ERG: variants seen among roughly 807,000 people sequenced by gnomAD.
The protein encoded by ERG is ETS transcription factor ERG, also known as transcriptional regulator ERG.
A neutral mutation model predicts 55.3 loss-of-function variants in ERG; 9 were observed. That is an observed-to-expected ratio of 0.16 (90% CI 0.10 to 0.28). The LOEUF (loss-of-function observed/expected upper bound fraction) is 0.28. Ranked by LOEUF, ERG falls within the 10% of genes least tolerant of loss-of-function variation. The pLI, the probability that ERG is intolerant of heterozygous loss-of-function variation, is 1.00. For synonymous variants in ERG, 223 were observed against 237.3 expected (o/e 0.94, Z 0.55); for missense variants, 434 against 631.6 (o/e 0.69, Z 3.35).
At chr21:38,531,788 G>A (rs1374203947) in intron 2 of ERG, among the ~76,000 whole-genome samples, 15 of 152,124 alleles carry the variant, frequency 9.9e-5, no homozygotes, top group Admixed American at 8.5e-4. Context: ...AGAGTCAAGC[G>A]CTGCTGTGAG....
intron 2 of ERG, among the ~76,000 whole-genome samples, chr21:38,549,849 T>C (rs192461485): frequency 1.8e-3 from 269 of 152,212 alleles, no homozygotes; most frequent in African/African-American, 6.2e-3. Context: ...GCGAGTGAGA[T>C]TGTCACTACA....
chr21:38,514,326 T>C (rs908553866), intron 2 of ERG, among the ~76,000 whole-genome samples: 3 of 151,650 alleles, frequency 2.0e-5, no homozygotes, highest in African/African-American at 7.3e-5. Flanking sequence ...AGGAAAATTA[T>C]GGGTCAATTT....
intron 1 of ERG, among the ~76,000 whole-genome samples, chr21:38,625,774 T>C (rs1054022200): frequency 6.6e-6 from 1 of 152,164 alleles, no homozygotes; most frequent in Admixed American, 6.6e-5. Context: ...GCTTTTTTAT[T>C]GAAGGCAAAG....
chr21:38,590,568 TCATC>T (rs141969690), intron 1 of ERG, among the ~76,000 whole-genome samples: 5,534 of 150,420 alleles, frequency 0.037, 133 homozygotes, highest in East Asian at 0.096. Context: ...ATACAATTGT[TCATC>T]CATCCATCCA....
At chr21:38,427,255 A>G (rs1438678676) in intron 2 of ERG, among the ~76,000 whole-genome samples, 2 of 151,462 alleles carry the variant, frequency 1.3e-5, no homozygotes, top group Non-Finnish European at 2.9e-5. Context: ...TTGTATTTTT[A>G]GTAGAGACGG....
chr21:38,649,552 G>A (rs73444363), intron 1 of ERG, among the ~76,000 whole-genome samples: 7,023 of 152,282 alleles, frequency 0.046, 533 homozygotes, highest in African/African-American at 0.16. Flanking sequence ...TTCACTGAAC[G>A]TAACCTCAAG....
chr21:38,448,435 A>C (rs1413451878), intron 1 of ERG, among the ~76,000 whole-genome samples: 1 of 152,256 alleles, frequency 6.6e-6, no homozygotes, highest in Non-Finnish European at 1.5e-5. Flanking sequence ...TAAACACTTC[A>C]AAAGAGGTGA....
rs1419167965 is a variant in ERG at position 38,380,222 on chromosome 21, G to C, written c.*3181C>G. Reference sequence around the variant, plus strand: ...TTCCCTGTGCCCCATCACCTTCCCAGCTCCTGAGCTGTAGCCATCTCTGCT... The same window carrying C: ...TTCCCTGTGCCCCATCACCTTCCCACCTCCTGAGCTGTAGCCATCTCTGCT... On this transcript the variant is annotated 3_prime_UTR_variant, in exon 10 of 10. Transcript: ENST00000288319. 1.9e-6 allele frequency: 2 copies of C among 1,052,444 alleles called. No homozygotes were observed. The highest frequency in any genetic ancestry group is 2.3e-6 in the Non-Finnish European group (2 of 871,314). 65.2% of individuals were successfully genotyped at this position (1,052,444 alleles called of 1,614,324 possible). A position where few individuals can be genotyped will look rare whatever the true frequency, so the allele number is the denominator to read the frequency against.
intron 1 of ERG, among the ~76,000 whole-genome samples, chr21:38,638,957 G>C (rs2060407128): frequency 6.6e-6 from 1 of 152,116 alleles, no homozygotes; most frequent in Non-Finnish European, 1.5e-5. Flanking sequence ...GGGGGACCAA[G>C]TGAATGGCAA....
At chr21:38,490,901 G>A (rs775802467) in intron 1 of ERG, among the ~76,000 whole-genome samples, 11 of 152,172 alleles carry the variant, frequency 7.2e-5, no homozygotes, top group Admixed American at 2.6e-4. Flanking sequence ...AGGATGCCAC[G>A]AAGAAATACA....
At chr21:38,402,849 C>T (rs919738615) in intron 4 of ERG, among the ~76,000 whole-genome samples, 4 of 152,108 alleles carry the variant, frequency 2.6e-5, no homozygotes, top group East Asian at 1.9e-4. Flanking sequence ...CATGGGGGCC[C>T]GTCTTTAATT....
chr21:38,406,390 T>C (rs753822854), intron 3 of ERG, among the ~76,000 whole-genome samples: 31 of 152,200 alleles, frequency 2.0e-4, no homozygotes, highest in Non-Finnish European at 3.5e-4. Context: ...CTCTTCGTCA[T>C]TGGCTGAGAA....
At chr21:38,384,244 T>G (rs940368252) in intron 9 of ERG, among the ~76,000 whole-genome samples, 3 of 152,206 alleles carry the variant, frequency 2.0e-5, no homozygotes, top group African/African-American at 4.8e-5. Context: ...CTATTCAGGC[T>G]TCAGGGCTCC....
rs192308549 is a variant in ERG at position 38,489,312 on chromosome 21, G to A, written c.18+9051C>T. On this transcript the variant is annotated intron_variant, in intron 1 of 9. Transcript: ENST00000288319. ...TTACAATAGGCTTGGGCTTTCAACA[G>A]TGAGTCCATGAAAACAGCTCTTGGG... Among the ~76,000 whole-genome samples, 4 of 152,330 alleles carry A rather than the reference G, an allele frequency of 2.6e-5. No homozygotes were observed. In the East Asian group the frequency reaches 5.8e-4, roughly 22 times the overall value.
intron 1 of ERG, among the ~76,000 whole-genome samples, chr21:38,582,797 A>G (rs1386301746): frequency 6.6e-6 from 1 of 151,962 alleles, no homozygotes; most frequent in East Asian, 1.9e-4. Context: ...CCCAGGCTGG[A>G]GCGCAGTGGC....
intron 2 of ERG, among the ~76,000 whole-genome samples, chr21:38,510,080 C>G (rs968081845): frequency 2.6e-5 from 4 of 152,226 alleles, no homozygotes. Context: ...TTCTGGGAAC[C>G]ATGGTCCTGT....
upstream of ERG, among the ~76,000 whole-genome samples, chr21:38,585,316 G>T (rs963735102): frequency 9.2e-5 from 14 of 152,210 alleles, no homozygotes; most frequent in African/African-American, 3.1e-4. Context: ...TCAGAACAGG[G>T]TAGTGGGATT....
intron 2 of ERG, among the ~76,000 whole-genome samples, chr21:38,565,212 G>A (rs1417055966): frequency 6.6e-6 from 1 of 151,892 alleles, no homozygotes; most frequent in Non-Finnish European, 1.5e-5. Context: ...CTCCCCTTTC[G>A]CTGCCTGGTG....
At chr21:38,446,307 C>T (rs2058892065) in intron 1 of ERG, among the ~76,000 whole-genome samples, 1 of 146,476 alleles carries the variant, frequency 6.8e-6, no homozygotes, top group South Asian at 2.2e-4. Context: ...ATATCTGGAT[C>T]ACTGACAAGC....
Sources: gnomAD v4.1 joint callset for allele counts (sites outside exome capture counted in the v4.1 genomes callset) on GRCh38, gnomAD v4.1.1 for gene constraint, MANE v1.5 for transcripts, NCBI Gene and HGNC (gene_info 2026-07-23, HGNC 2026-07-21) for gene names.